ATP10D: variants seen among roughly 807,000 people sequenced by gnomAD.
ATP10D encodes ATPase phospholipid transporting 10D (putative).
Under a neutral mutation model 144.8 loss-of-function variants are expected in ATP10D, and 89 were observed. The ratio of observed to expected loss-of-function variants is 0.61; its 90% CI spans 0.52 to 0.73. The LOEUF is 0.73. Among genes scored for constraint, ATP10D ranks in the 30% least tolerant of loss-of-function variants. The pLI, the probability that ATP10D is intolerant of heterozygous loss-of-function variation, is 0.00. For synonymous variants in ATP10D, 571 were observed against 615.1 expected (o/e 0.93, Z 1.06); for missense variants, 1,603 against 1,714.8 (o/e 0.93, Z 1.15).
intron 1 of ATP10D, among the ~76,000 whole-genome samples, chr4:47,500,246 C>G (rs1163632166): frequency 6.6e-6 from 1 of 152,042 alleles, no homozygotes; most frequent in Admixed American, 6.6e-5. Context: ...AGCTAAAATA[C>G]CAAAGTAAAT....
rs193065646 is a variant in ATP10D at position 47,529,696 on chromosome 4, T to C, written c.776+4054T>C. Among the ~76,000 whole-genome samples, 1,195 of 152,262 alleles carry C rather than the reference T, an allele frequency of 7.8e-3. 7 individuals carry two copies. Among genetic ancestry groups the C allele is most frequent in the Non-Finnish European group, 0.013 (865 of 67,998 alleles). ...TGTGAAAAATGACGTTGATATTTTA[T>C]AGGAATTACGTTGAATCTGTAGATT... On this transcript the variant is annotated intron_variant, in intron 5 of 22. Coordinates refer to ENST00000273859, the MANE Select transcript of ATP10D (RefSeq NM_020453.4).
intron 9 of ATP10D, among the ~76,000 whole-genome samples, chr4:47,543,398 T>C (rs981595246): frequency 3.9e-5 from 6 of 152,190 alleles, no homozygotes; most frequent in Non-Finnish European, 8.8e-5. Flanking sequence ...GATTTATCAG[T>C]CTCAGCACTA....
intron 1 of ATP10D, among the ~76,000 whole-genome samples, chr4:47,499,264 G>A (rs1268720764): frequency 6.6e-6 from 1 of 152,126 alleles, no homozygotes; most frequent in East Asian, 1.9e-4. Flanking sequence ...TTCCCATCAC[G>A]TTGGTTTCAA....
At chr4:47,546,894 C>A in intron 10 of ATP10D, 32 bp downstream of exon 10, 1 of 1,544,608 alleles carries the variant, frequency 6.5e-7, no homozygotes, top group Non-Finnish European at 8.9e-7. Context: ...GAGTCTTGCA[C>A]ATCCACAATG....
At chr4:47,489,428 G>T (rs1048466950) in intron 1 of ATP10D, among the ~76,000 whole-genome samples, 1 of 152,066 alleles carries the variant, frequency 6.6e-6, no homozygotes, top group African/African-American at 2.4e-5. Flanking sequence ...CAATTTATTG[G>T]TGGGGAATAA....
intron 10 of ATP10D, among the ~76,000 whole-genome samples, chr4:47,551,945 T>C (rs1014862885): frequency 1.3e-5 from 2 of 152,224 alleles, no homozygotes; most frequent in Non-Finnish European, 2.9e-5. Flanking sequence ...AATTAACTTA[T>C]TTTAGTGGGA....
At chr4:47,485,651 T>G (rs895721188) in intron 1 of ATP10D, 132 bp downstream of exon 1, 3 of 151,526 alleles carry the variant, frequency 2.0e-5, no homozygotes, top group Admixed American at 1.3e-4. Flanking sequence ...TTTGATGACA[T>G]GGCTCAAAAC....
chr4:47,528,568 T>C (rs1048310129), intron 5 of ATP10D, among the ~76,000 whole-genome samples: 2 of 151,190 alleles, frequency 1.3e-5, no homozygotes, highest in Admixed American at 6.6e-5. Flanking sequence ...GATGGACACT[T>C]AGGTTGATTT....
chr4:47,563,884 T>G, intron 15 of ATP10D, 119 bp downstream of exon 15: 1 of 1,015,846 alleles, frequency 9.8e-7, no homozygotes, highest in Non-Finnish European at 1.4e-6. Flanking sequence ...CTTTTTTTGT[T>G]GTTTGTTTGT....
intron 3 of ATP10D, 41 bp from the exon 4 acceptor site, chr4:47,522,971 C>T: frequency 6.8e-7 from 1 of 1,474,786 alleles, no homozygotes; most frequent in Non-Finnish European, 9.3e-7. Context: ...GTATTTTTCA[C>T]TTGATATTCT....
intron 9 of ATP10D, among the ~76,000 whole-genome samples, chr4:47,544,656 A>G (rs1183787954): frequency 1.3e-5 from 2 of 152,240 alleles, no homozygotes; most frequent in Non-Finnish European, 2.9e-5. Context: ...GCTGAAAGCC[A>G]CTTAGTCTTT....
chr4:47,523,118 T>A lies in ATP10D; in HGVS notation c.592T>A (p.Ser198Thr). Reference protein sequence around the residue: ...VIPADMVLLFSTDPDGICHIE... With the variant: ...VIPADMVLLFTTDPDGICHIE... ...CCCTGCAGACATGGTACTACTCTTT[T>A]CCACTGATCCAGATGGAATCTGTCA... The change falls in exon 4 of 23, where the codon TCC (serine) becomes ACC (threonine). Residue 198 changes from serine (S) to threonine (T), a missense_variant. Ser to Thr is a moderately conservative substitution (Grantham distance 58, BLOSUM62 1). Transcript: ENST00000273859. 6.2e-7 allele frequency: 1 copy of A among 1,614,112 alleles called. No individual in the cohort carries two copies. Among genetic ancestry groups the A allele is most frequent in the Non-Finnish European group, 8.5e-7 (1 of 1,180,000 alleles).
At chr4:47,535,301 C>T (rs1157806919) in intron 5 of ATP10D, among the ~76,000 whole-genome samples, 1 of 143,736 alleles carries the variant, frequency 7.0e-6, no homozygotes, top group South Asian at 2.4e-4. Context: ...ACGTGTACCA[C>T]CTGAACCTAA....
At chr4:47,519,766 A>AT (rs933770905) in intron 3 of ATP10D, among the ~76,000 whole-genome samples, 10 of 152,114 alleles carry the variant, frequency 6.6e-5, no homozygotes, top group Non-Finnish European at 1.3e-4. Flanking sequence ...GTTTGCCCCC[A>AT]TAGTAGCCTG....
chr4:47,562,844 T>C (rs779303314), intron 14 of ATP10D, among the ~76,000 whole-genome samples: 32 of 151,472 alleles, frequency 2.1e-4, no homozygotes, highest in South Asian at 6.3e-4. Context: ...TATATATATA[T>C]ACACACACAC....
At chr4:47,498,402 G>A (rs1461319210) in intron 1 of ATP10D, among the ~76,000 whole-genome samples, 1 of 152,182 alleles carries the variant, frequency 6.6e-6, no homozygotes, top group Non-Finnish European at 1.5e-5. Flanking sequence ...CTAGGGGGCT[G>A]GAAGGGGAGG....
chr4:47,587,169 G>C lies in ATP10D; in HGVS notation c.3904G>C (p.Val1302Leu). The stretch of plus-strand genomic sequence containing the variant: ...CATGCTGGATCCAGTATTCTACTTA[G>C]TTTGTATCCTCACGACGTCCATTGC... ...EHMLDPVFYL[V>L]CILTTSIALL... The change falls in exon 22 of 23, where the codon GTT becomes CTT. Residue 1302 changes from valine to leucine, a missense_variant. Coordinates refer to ENST00000273859, the MANE Select transcript of ATP10D (RefSeq NM_020453.4). 1 of 1,613,906 alleles carries C rather than the reference G, an allele frequency of 6.2e-7. No individual in the cohort carries two copies. The highest frequency in any genetic ancestry group is 8.5e-7 in the Non-Finnish European group (1 of 1,179,890).
chr4:47,495,355 C>T (rs1002357350), intron 1 of ATP10D, among the ~76,000 whole-genome samples: 3 of 152,094 alleles, frequency 2.0e-5, no homozygotes, highest in South Asian at 2.1e-4. Context: ...TAAAGGAATG[C>T]ACCTCTTTTC....
intron 15 of ATP10D, among the ~76,000 whole-genome samples, chr4:47,566,288 A>T (rs1408741800): frequency 1.3e-5 from 2 of 152,016 alleles, no homozygotes; most frequent in African/African-American, 4.8e-5. Context: ...TTTTTTCTTC[A>T]TTTGTTTTAA....
Sources: gnomAD v4.1 joint callset for allele counts (sites outside exome capture counted in the v4.1 genomes callset) on GRCh38, gnomAD v4.1.1 for gene constraint, MANE v1.5 for transcripts, NCBI Gene and HGNC (gene_info 2026-07-23, HGNC 2026-07-21) for gene names.